Variants in PTPRQ observed in about 807,000 individuals in gnomAD.
PTPRQ encodes protein tyrosine phosphatase receptor type Q.
PTPRQ carries 199 observed loss-of-function variants against 246.0 expected under a neutral mutation model. The ratio of observed to expected loss-of-function variants is 0.81; its 90% CI spans 0.72 to 0.91. The LOEUF is 0.91. PTPRQ is among the 40% of genes least tolerant of loss of function. The probability of loss-of-function intolerance (pLI) is 0.00; values close to 1 mark genes in which losing one functional copy is unlikely to be tolerated. For missense variants in PTPRQ, 2,624 were observed against 2,528.4 expected (o/e 1.04, Z -0.81); for synonymous variants, 869 against 853.2 (o/e 1.02, Z -0.32).
chr12:80,565,575 T>C (rs1348394411), intron 25 of PTPRQ, among the ~76,000 whole-genome samples: 1 of 152,220 alleles, frequency 6.6e-6, no homozygotes, highest in East Asian at 1.9e-4. Flanking sequence ...TCTTTCTTTC[T>C]GGTAACCATA....
rs539073191 is a variant in PTPRQ at position 80,588,233 on chromosome 12, A to C, written c.4390A>C (p.Lys1464Gln). Residue 1464 changes from lysine to glutamine, a missense_variant, in exon 26 of 45, where the codon AAA (lysine) becomes CAA (glutamine). Coordinates refer to ENST00000644991, the MANE Select transcript of PTPRQ (RefSeq NM_001145026.2). ...DTILGYFQNYKITTQLRAQKC... is the reference protein window; with the variant it reads ...DTILGYFQNYQITTQLRAQKC... ...TATCCTTGGCTACTTTCAAAATTAC[A>C]AAATTACCACTCAACTTCGTGCTCA... is the stretch of plus-strand genomic sequence containing the variant. The C allele has an allele frequency of 6.4e-7, 1 of 1,551,678 alleles. No homozygotes were observed. Among genetic ancestry groups the C allele is most frequent in the East Asian group, 2.4e-5 (1 of 40,906 alleles).
intron 35 of PTPRQ, among the ~76,000 whole-genome samples, chr12:80,643,299 A>G (rs1415430617): frequency 6.6e-6 from 1 of 151,758 alleles, no homozygotes; most frequent in East Asian, 2.0e-4. Context: ...TTAGCCAGGC[A>G]TAGTGGCAGA....
At chr12:80,490,072 G>A (rs1306517621) in intron 9 of PTPRQ, among the ~76,000 whole-genome samples, 2 of 151,938 alleles carry the variant, frequency 1.3e-5, no homozygotes, top group Non-Finnish European at 2.9e-5. Context: ...AATGTCTTGA[G>A]ATAGGTTTAT....
intron 3 of PTPRQ, among the ~76,000 whole-genome samples, chr12:80,454,766 A>C (rs918690525): frequency 6.6e-5 from 10 of 152,316 alleles, no homozygotes; most frequent in East Asian, 5.8e-4. Context: ...TGAAAAAAAA[A>C]CTTTAAGTTT....
In PTPRQ at chr12:80,496,072, A is replaced by G; in HGVS notation, c.1956A>G (p.Glu652=). 5.8e-6 allele frequency: 9 copies of G among 1,549,318 alleles called. No individual in the cohort carries two copies. Among genetic ancestry groups the G allele is most frequent in the Non-Finnish European group, 7.9e-6 (9 of 1,146,158 alleles). ...ACGTTGGAGAAAGTTCTTTGTCTGA[A>G]GAAAATGACATCTTTGTGAGAACTT... is the stretch of plus-strand genomic sequence containing the variant. ...STHVGESSLS[E]ENDIFVRTSE... The change falls in exon 13 of 45, where the codon GAA becomes GAG. Residue 652 remains glutamate, a synonymous_variant. Coordinates refer to ENST00000644991, the MANE Select transcript of PTPRQ (RefSeq NM_001145026.2).
chr12:80,468,424 T>C (rs910865690), intron 6 of PTPRQ, among the ~76,000 whole-genome samples: 3 of 152,160 alleles, frequency 2.0e-5, no homozygotes, highest in African/African-American at 7.2e-5. Flanking sequence ...ACATTGGCAA[T>C]AAATGTATTA....
intron 3 of PTPRQ, among the ~76,000 whole-genome samples, chr12:80,447,056 C>T (rs1041947603): frequency 6.6e-5 from 10 of 152,016 alleles, no homozygotes; most frequent in African/African-American, 2.4e-4. Flanking sequence ...TCTCTGCATC[C>T]ACACTGCCAT....
At chr12:80,488,397 A>G (rs1449130923) in intron 9 of PTPRQ, among the ~76,000 whole-genome samples, 1 of 152,050 alleles carries the variant, frequency 6.6e-6, no homozygotes, top group African/African-American at 2.4e-5. Flanking sequence ...TAAGTATGTT[A>G]TTTACATTAT....
chr12:80,488,811 A>G (rs1894360176), intron 9 of PTPRQ, among the ~76,000 whole-genome samples: 2 of 152,176 alleles, frequency 1.3e-5, no homozygotes, highest in South Asian at 2.1e-4. Context: ...CTGAATAAAT[A>G]TGGATTATTT....
chr12:80,494,966 C>A lies in PTPRQ; in HGVS notation c.1574C>A (p.Ala525Glu). Reference protein sequence around the residue: ...TTRNQYITDIAAEQLSYVIRR... With the variant: ...TTRNQYITDIEAEQLSYVIRR... Reference sequence around the variant, plus strand: ...AGGAATCAGTATATTACTGACATTGCAGCTGAACAGCTGTCTTATGTTATC... The same window carrying A: ...AGGAATCAGTATATTACTGACATTGAAGCTGAACAGCTGTCTTATGTTATC... The change falls in exon 11 of 45, where the codon GCA becomes GAA. Residue 525 changes from alanine to glutamate, a missense_variant. Ala to Glu is a moderately radical substitution (Grantham distance 107). Transcript: ENST00000644991. 6.5e-7 allele frequency: 1 copy of A among 1,549,724 alleles called. No individual in the cohort carries two copies. The highest frequency in any genetic ancestry group is 8.7e-7 in the Non-Finnish European group (1 of 1,145,814).
rs564509526 is a variant in PTPRQ, at chr12:80,478,930, C to G, written c.1187-5503C>G. On this transcript the variant is annotated intron_variant, in intron 8 of 44. Coordinates refer to ENST00000644991, the MANE Select transcript of PTPRQ (RefSeq NM_001145026.2). ...GTACCTGAAAGTGACGGGGAGAATG[C>G]AACCAAGTTGGAAAACACTCTGCAG... Among the ~76,000 whole-genome samples the G allele has an allele frequency of 9.2e-4, 140 of 152,174 alleles. 1 individual carries two copies. Among genetic ancestry groups the G allele is most frequent in the African/African-American group, 3.0e-3 (124 of 41,522 alleles).
Position 80,542,823 on chromosome 12 carries a change from T to C in PTPRQ, c.3815T>C (p.Ile1272Thr). 6.5e-7 allele frequency: 1 copy of C among 1,548,450 alleles called. No individual in the cohort carries two copies. The highest frequency in any genetic ancestry group is 1.2e-5 in the South Asian group (1 of 83,314). ...KWSPSPLPGG[I>T]VKVYSFKIHE... The stretch of plus-strand genomic sequence containing the variant: ...AGCCCAAGTCCTCTTCCAGGTGGTA[T>C]TGTTAAAGTATATAGTTTTAAAATT... The change falls in exon 23 of 45, where the codon ATT becomes ACT. Residue 1272 changes from isoleucine (I) to threonine (T), a missense_variant. Physicochemically the swap from Ile to Thr is moderately conservative, Grantham distance 89. Transcript: ENST00000644991.
chr12:80,597,793 C>A (rs1340832602), intron 26 of PTPRQ, among the ~76,000 whole-genome samples: 1 of 151,964 alleles, frequency 6.6e-6, no homozygotes, highest in Non-Finnish European at 1.5e-5. Flanking sequence ...TTCAGTAAGT[C>A]TGGGGTAGTG....
chr12:80,670,310 AT>A (rs1346191475), intron 41 of PTPRQ, 33 bp from the exon 42 acceptor site: 37 of 1,543,936 alleles, frequency 2.4e-5, no homozygotes, highest in Non-Finnish European at 3.1e-5. Context: ...AACTTAAATA[AT>A]TTTGTCATTC....
chr12:80,481,365 G>A (rs998140302), intron 8 of PTPRQ, among the ~76,000 whole-genome samples: 1 of 152,074 alleles, frequency 6.6e-6, no homozygotes, highest in Non-Finnish European at 1.5e-5. Context: ...GGTATTGATG[G>A]GACGTATTTC....
intron 19 of PTPRQ, among the ~76,000 whole-genome samples, chr12:80,538,422 A>T (rs746858843): frequency 6.6e-6 from 1 of 152,234 alleles, no homozygotes; most frequent in Admixed American, 6.5e-5. Flanking sequence ...AATAAATTCT[A>T]TAACAAAAAT....
At chr12:80,569,770 T>C (rs1475807847) in intron 25 of PTPRQ, among the ~76,000 whole-genome samples, 2 of 149,366 alleles carry the variant, frequency 1.3e-5, no homozygotes, top group Non-Finnish European at 3.0e-5. Context: ...CAGTGTGTGA[T>C]ATTCCCCTCC....
chr12:80,577,412 C>A (rs1897304516), intron 25 of PTPRQ, among the ~76,000 whole-genome samples: 1 of 152,158 alleles, frequency 6.6e-6, no homozygotes, highest in African/African-American at 2.4e-5. Flanking sequence ...AACTCACTAT[C>A]ATGAGAACAG....
chr12:80,619,438 T>G lies in PTPRQ; in HGVS notation c.5285T>G (p.Leu1762Arg). The G allele has an allele frequency of 6.5e-7, 1 of 1,548,418 alleles. No homozygotes were observed. Among genetic ancestry groups the G allele is most frequent in the Non-Finnish European group, 8.7e-7 (1 of 1,144,894 alleles). ...PTPIYDATGK[L>R]LVTSTTITIR... ...CCTATTTATGATGCCACAGGAAAACTGCTTGTGACTTCAACAACAATTACA... is the reference window on the plus strand; with the variant it reads ...CCTATTTATGATGCCACAGGAAAACGGCTTGTGACTTCAACAACAATTACA... The change falls in exon 31 of 45, where the codon CTG (leucine) becomes CGG (arginine). Residue 1762 changes from leucine (L) to arginine (R), a missense_variant. Coordinates refer to ENST00000644991, the MANE Select transcript of PTPRQ (RefSeq NM_001145026.2).
Sources: allele counts gnomAD v4.1 joint callset (sites outside exome capture counted in the v4.1 genomes callset), GRCh38; gene constraint gnomAD v4.1.1; transcripts MANE v1.5; gene names NCBI Gene and HGNC (gene_info 2026-07-23, HGNC 2026-07-21).